The following SPAG17 variants were observed in gnomAD, a reference collection of about 807,000 sequenced individuals.
The protein encoded by SPAG17 is sperm associated antigen 17.
In SPAG17, 169 loss-of-function variants were observed where a neutral mutation model predicts 273.6. The ratio of observed to expected loss-of-function variants is 0.62; its 90% CI spans 0.55 to 0.70. The LOEUF is 0.70. Ranked by LOEUF, SPAG17 falls within the 30% of genes least tolerant of loss-of-function variation. SPAG17 has a pLI of 0.00. For synonymous variants in SPAG17, 825 were observed against 873.2 expected (o/e 0.94, Z 0.97); for missense variants, 2,557 against 2,627.8 (o/e 0.97, Z 0.59).
At chr1:118,141,814 T>A (rs1658697813) in intron 3 of SPAG17, among the ~76,000 whole-genome samples, 1 of 152,260 alleles carries the variant, frequency 6.6e-6, no homozygotes, top group Non-Finnish European at 1.5e-5. Flanking sequence ...TTACTACTGC[T>A]GTTTGTTTCT....
In SPAG17 at chr1:118,023,472, T is replaced by G; in HGVS notation, c.3910-9A>C. ...CCATCTGCAAAGAGAATCTGAAGAA[T>G]GAACAAAAGTTTTCAGCATTCTCAG... is the stretch of plus-strand genomic sequence containing the variant. On this transcript the variant is annotated splice_polypyrimidine_tract_variant and intron_variant, in intron 27 of 48. Coordinates refer to ENST00000336338, the MANE Select transcript of SPAG17 (RefSeq NM_206996.4). 1 of 1,601,184 alleles carries G rather than the reference T, an allele frequency of 6.2e-7. No individual in the cohort carries two copies. Among genetic ancestry groups the G allele is most frequent in the Non-Finnish European group, 8.5e-7 (1 of 1,173,914 alleles).
chr1:117,997,145 C>T (rs1411016393), intron 32 of SPAG17, among the ~76,000 whole-genome samples: 1 of 152,030 alleles, frequency 6.6e-6, no homozygotes, highest in Admixed American at 6.6e-5. Context: ...GGATGTCAAA[C>T]ACACAATTGT....
intron 20 of SPAG17, among the ~76,000 whole-genome samples, chr1:118,048,643 A>T (rs1650640584): frequency 6.6e-6 from 1 of 152,236 alleles, no homozygotes. Context: ...CACGCCTATA[A>T]TCCCAGCACT....
intron 44 of SPAG17, 79 bp from the exon 45 acceptor site, chr1:117,972,126 G>A: frequency 1.6e-6 from 2 of 1,257,478 alleles, no homozygotes; most frequent in Non-Finnish European, 2.2e-6. Context: ...CCTGTCACCA[G>A]AGGAAAATAA....
At chr1:118,006,931 T>C (rs1313365441) in intron 31 of SPAG17, among the ~76,000 whole-genome samples, 2 of 152,242 alleles carry the variant, frequency 1.3e-5, no homozygotes, top group Non-Finnish European at 2.9e-5. Context: ...AATCCTTTGC[T>C]CATTTTAAAG....
At chr1:118,138,432 T>C (rs1002772059) in intron 3 of SPAG17, among the ~76,000 whole-genome samples, 1 of 152,172 alleles carries the variant, frequency 6.6e-6, no homozygotes, top group Non-Finnish European at 1.5e-5. Flanking sequence ...AGAGGAAATG[T>C]AATAGAGAAT....
intron 1 of SPAG17, among the ~76,000 whole-genome samples, chr1:118,167,523 A>T (rs979787646): frequency 5.9e-5 from 9 of 152,204 alleles, no homozygotes; most frequent in Admixed American, 5.9e-4. Context: ...GTGGGTTTTC[A>T]TTCTAAATAT....
intron 40 of SPAG17, among the ~76,000 whole-genome samples, chr1:117,985,652 G>A (rs1656319969): frequency 6.6e-6 from 1 of 151,994 alleles, no homozygotes; most frequent in East Asian, 1.9e-4. Context: ...TGATTTGGAG[G>A]TTTTCTGTTA....
At chr1:117,993,133 G>A (rs1361260856) in intron 35 of SPAG17, among the ~76,000 whole-genome samples, 1 of 152,160 alleles carries the variant, frequency 6.6e-6, no homozygotes, top group Non-Finnish European at 1.5e-5. Context: ...AGAGTCTGAG[G>A]ATCCCTGGGG....
At chr1:118,003,866 G>A (rs1020393214) in intron 32 of SPAG17, among the ~76,000 whole-genome samples, 1 of 152,128 alleles carries the variant, frequency 6.6e-6, no homozygotes, top group African/African-American at 2.4e-5. Context: ...TGCTGGTAAG[G>A]AGCTGTGATC....
chr1:118,059,026 T>C (rs1362936101), intron 18 of SPAG17, among the ~76,000 whole-genome samples: 2 of 152,216 alleles, frequency 1.3e-5, no homozygotes, highest in African/African-American at 4.8e-5. Flanking sequence ...ACATTAATCT[T>C]GAGAATACTC....
chr1:118,169,556 T>G (rs1660323951), intron 1 of SPAG17, among the ~76,000 whole-genome samples: 2 of 152,202 alleles, frequency 1.3e-5, no homozygotes, highest in Non-Finnish European at 2.9e-5. Context: ...AACTCTTTGC[T>G]GCCTCTCAAA....
chr1:117,979,337 C>A (rs1655500253), intron 43 of SPAG17, among the ~76,000 whole-genome samples: 1 of 152,170 alleles, frequency 6.6e-6, no homozygotes, highest in Non-Finnish European at 1.5e-5. Context: ...ATCAGTTTAA[C>A]CTAAGAATCA....
chr1:118,083,637 T>C (rs572526110), intron 13 of SPAG17, among the ~76,000 whole-genome samples: 65 of 152,070 alleles, frequency 4.3e-4, no homozygotes, highest in African/African-American at 1.5e-3. Context: ...ATACAAAAAT[T>C]AGCTGCGCAT....
intron 32 of SPAG17, 23 bp downstream of exon 32, chr1:118,005,391 T>C: frequency 6.3e-7 from 1 of 1,576,012 alleles, no homozygotes; most frequent in Non-Finnish European, 8.6e-7. Context: ...AGGCTCTCTC[T>C]CCATACCAAA....
intron 24 of SPAG17, among the ~76,000 whole-genome samples, chr1:118,036,436 T>A (rs1057022404): frequency 3.3e-5 from 5 of 152,082 alleles, no homozygotes; most frequent in African/African-American, 1.2e-4. Context: ...AACTGGTATA[T>A]ATGTGTGTAT....
chr1:117,978,901 C>T (rs187120237), intron 43 of SPAG17, among the ~76,000 whole-genome samples: 6 of 147,762 alleles, frequency 4.1e-5, no homozygotes, highest in African/African-American at 1.5e-4. Context: ...GAGTTTCGCT[C>T]TTGTTGCCCA....
chr1:118,040,712 G>C lies in SPAG17; in HGVS notation c.3166+18C>G, dbSNP rs369326692. ...TTATTATGTTTCCAATCATTAACCA[G>C]TTGCTTTCAAAATGTACCTTTTTCA... is the stretch of plus-strand genomic sequence containing the variant. On this transcript the variant is annotated intron_variant, in intron 22 of 48. Coordinates refer to ENST00000336338, the MANE Select transcript of SPAG17 (RefSeq NM_206996.4). 6.7e-7 allele frequency: 1 copy of C among 1,482,728 alleles called. No homozygotes were observed. Among genetic ancestry groups the C allele is most frequent in the Non-Finnish European group, 9.4e-7 (1 of 1,059,792 alleles). The allele number at this position is 1,482,728 out of a possible 1,614,324, so 91.8% of individuals were successfully genotyped here.
At chr1:118,045,695 T>C (rs1328743865) in intron 20 of SPAG17, among the ~76,000 whole-genome samples, 2 of 152,162 alleles carry the variant, frequency 1.3e-5, no homozygotes, top group Non-Finnish European at 1.5e-5. Flanking sequence ...CAGACAGAAG[T>C]GTGCATACTC....
Sources: gnomAD v4.1 joint callset for allele counts (sites outside exome capture counted in the v4.1 genomes callset) on GRCh38, gnomAD v4.1.1 for gene constraint, MANE v1.5 for transcripts, NCBI Gene and HGNC (gene_info 2026-07-23, HGNC 2026-07-21) for gene names.